The following PLCXD3 variants were observed in gnomAD, a reference collection of about 807,000 sequenced individuals.
PLCXD3 encodes the protein phosphatidylinositol specific phospholipase C X domain containing 3.
PLCXD3 carries 19 observed loss-of-function variants against 25.5 expected under a neutral mutation model. The ratio of observed to expected loss-of-function variants is 0.75; its 90% CI spans 0.52 to 1.09. PLCXD3 has a LOEUF of 1.09. Ranked by LOEUF, PLCXD3 falls within the 50% of genes least tolerant of loss-of-function variation. The pLI is 0.00. For synonymous variants in PLCXD3, 174 were observed against 137.6 expected (o/e 1.26, Z -1.85); for missense variants, 411 against 388.1 (o/e 1.06, Z -0.50).
intron 2 of PLCXD3, among the ~76,000 whole-genome samples, chr5:41,339,761 A>G (rs1744085460): frequency 6.6e-6 from 1 of 152,160 alleles, no homozygotes; most frequent in Admixed American, 6.6e-5. Context: ...AACCCTTGCT[A>G]TACTTTTTAT....
intron 1 of PLCXD3, among the ~76,000 whole-genome samples, chr5:41,383,395 C>T (rs986509780): frequency 6.6e-6 from 1 of 151,934 alleles, no homozygotes; most frequent in Admixed American, 6.6e-5. Context: ...TTTCAAGACT[C>T]CAGAAATGTA....
chr5:41,335,563 G>T (rs1472377137), intron 2 of PLCXD3, among the ~76,000 whole-genome samples: 1 of 152,156 alleles, frequency 6.6e-6, no homozygotes, highest in Non-Finnish European at 1.5e-5. Context: ...GGAAAATAAA[G>T]TATTACTTTA....
chr5:41,321,038 C>T (rs1450492705), intron 2 of PLCXD3, among the ~76,000 whole-genome samples: 1 of 152,184 alleles, frequency 6.6e-6, no homozygotes, highest in Non-Finnish European at 1.5e-5. Flanking sequence ...AGAGCTGGCA[C>T]ATGACAAGGA....
intron 1 of PLCXD3, among the ~76,000 whole-genome samples, chr5:41,478,810 G>T (rs1438206297): frequency 6.6e-6 from 1 of 152,166 alleles, no homozygotes; most frequent in Non-Finnish European, 1.5e-5. Context: ...AGCATGGTTG[G>T]GGAGACCTCA....
chr5:41,437,370 G>T (rs1288772454), intron 1 of PLCXD3, among the ~76,000 whole-genome samples: 3 of 152,194 alleles, frequency 2.0e-5, no homozygotes, highest in African/African-American at 7.2e-5. Context: ...GAAAGTGAAT[G>T]CATAAAATAC....
intron 1 of PLCXD3, chr5:41,456,718 T>TC (rs1747761722): frequency 6.3e-6 from 1 of 158,912 alleles, no homozygotes; most frequent in African/African-American, 2.4e-5. Context: ...AGAAAGGAAA[T>TC]CCTAGAGAGA....
chr5:41,385,807 G>A (rs531204231), intron 1 of PLCXD3, among the ~76,000 whole-genome samples: 22 of 152,200 alleles, frequency 1.4e-4, no homozygotes, highest in Admixed American at 3.9e-4. Context: ...GTGACACAGA[G>A]GTTGTAGTGG....
At chr5:41,316,454 C>T (rs922963530) in intron 2 of PLCXD3, among the ~76,000 whole-genome samples, 2 of 144,928 alleles carry the variant, frequency 1.4e-5, no homozygotes, top group Non-Finnish European at 2.9e-5. Context: ...TGGGACAAAA[C>T]TTCTTCTTGT....
At chr5:41,431,530 G>C (rs541071312) in intron 1 of PLCXD3, among the ~76,000 whole-genome samples, 5 of 152,158 alleles carry the variant, frequency 3.3e-5, no homozygotes, top group African/African-American at 1.2e-4. Context: ...ACAGGTTCTA[G>C]AAATTATCAG....
chr5:41,462,952 G>A (rs761241772), intron 1 of PLCXD3, among the ~76,000 whole-genome samples: 10 of 152,102 alleles, frequency 6.6e-5, no homozygotes, highest in Non-Finnish European at 1.2e-4. Context: ...AGACTGATTT[G>A]AGTAGAAGAA....
rs113783377 is a variant in PLCXD3 at position 41,419,962 on chromosome 5, T to C, written c.104-37428A>G. Among the ~76,000 whole-genome samples the C allele has an allele frequency of 8.2e-3, 1,242 of 152,330 alleles. 23 individuals carry two copies. Among genetic ancestry groups the C allele is most frequent in the African/African-American group, 0.028 (1,176 of 41,574 alleles). ...TAAGCACCTTTAGTAGCTAAATAAT[T>C]CCATGTTAGAGGTACATAGTCTTTC... On this transcript the variant is annotated intron_variant, in intron 1 of 2. Transcript: ENST00000377801.
intron 2 of PLCXD3, among the ~76,000 whole-genome samples, chr5:41,350,489 T>A (rs1025537729): frequency 1.3e-5 from 2 of 152,224 alleles, no homozygotes; most frequent in African/African-American, 4.8e-5. Context: ...TGAATTTTCA[T>A]GGAATTCTTT....
rs1409954613 is a variant in PLCXD3, at chr5:41,332,592, G to A, written c.813-18822C>T. Among the ~76,000 whole-genome samples the A allele has an allele frequency of 2.6e-5, 4 of 152,152 alleles. No individual in the cohort carries two copies. The East Asian group carries it at 7.7e-4, about 29-fold the overall frequency. On this transcript the variant is annotated intron_variant, in intron 2 of 2. Coordinates refer to ENST00000377801, the MANE Select transcript of PLCXD3 (RefSeq NM_001005473.3). Reference sequence around the variant, plus strand: ...CATTTGACCCAGCCATCCCATTACTGAGTATATACCCAAAGGACTATAAAT... The same window carrying A: ...CATTTGACCCAGCCATCCCATTACTAAGTATATACCCAAAGGACTATAAAT...
rs145749812 is a variant in PLCXD3, at chr5:41,401,605, T to C, written c.104-19071A>G. On this transcript the variant is annotated intron_variant, in intron 1 of 2. Coordinates refer to ENST00000377801, the MANE Select transcript of PLCXD3 (RefSeq NM_001005473.3). The stretch of plus-strand genomic sequence containing the variant: ...CTATTATGATAGGCAGCCTTTCAGA[T>C]GGCTCCCAGTGATCTTGCTTTCTGG... 4.9e-3 allele frequency among the ~76,000 whole-genome samples: 753 copies of C among 152,202 alleles called. 8 individuals carry two copies. Among genetic ancestry groups the C allele is most frequent in the Middle Eastern group, 0.031 (9 of 294 alleles).
intron 1 of PLCXD3, among the ~76,000 whole-genome samples, chr5:41,490,867 G>A (rs1427006635): frequency 6.6e-6 from 1 of 151,910 alleles, no homozygotes; most frequent in Non-Finnish European, 1.5e-5. Flanking sequence ...CAATTTTGTT[G>A]ATCCTTTCAA....
chr5:41,458,222 G>A (rs1747799793), intron 1 of PLCXD3, among the ~76,000 whole-genome samples: 1 of 151,846 alleles, frequency 6.6e-6, no homozygotes, highest in Non-Finnish European at 1.5e-5. Context: ...ACAGATTCAT[G>A]TATGACTCAA....
intron 2 of PLCXD3, among the ~76,000 whole-genome samples, chr5:41,361,395 A>G (rs188348070): frequency 1.2e-4 from 19 of 152,302 alleles, no homozygotes; most frequent in Non-Finnish European, 2.5e-4. Context: ...TGCAGTAGTG[A>G]TCCAGTTTCT....
intron 1 of PLCXD3, among the ~76,000 whole-genome samples, chr5:41,469,774 C>T (rs1386800212): frequency 6.6e-6 from 1 of 152,170 alleles, no homozygotes; most frequent in Non-Finnish European, 1.5e-5. Context: ...TTGTGGTAGG[C>T]AGGCATTCTT....
chr5:41,376,891 C>T lies in PLCXD3; in HGVS notation c.812+4935G>A, dbSNP rs141760875. 1.1e-3 allele frequency among the ~76,000 whole-genome samples: 164 copies of T among 152,170 alleles called. 2 individuals are homozygous for T. The highest frequency in any genetic ancestry group is 3.6e-3 in the African/African-American group (150 of 41,550). ...TAACAGATAAGGATTAAATTGAACT[C>T]GGTCTACCTGAATGTACTGCCAAAT... On this transcript the variant is annotated intron_variant, in intron 2 of 2. Transcript: ENST00000377801.
Sources: allele counts gnomAD v4.1 joint callset (sites outside exome capture counted in the v4.1 genomes callset), GRCh38; gene constraint gnomAD v4.1.1; transcripts MANE v1.5; gene names NCBI Gene and HGNC (gene_info 2026-07-23, HGNC 2026-07-21).